The following FAM227B variants were observed in gnomAD, a reference collection of about 807,000 sequenced individuals.
The protein encoded by FAM227B is protein FAM227B.
A neutral mutation model predicts 73.8 loss-of-function variants in FAM227B; 88 were observed. That is an observed-to-expected ratio of 1.19 (90% confidence interval 1.00 to 1.42). FAM227B has a LOEUF of 1.42. Ranked by LOEUF, FAM227B falls within the 40% of genes most tolerant of loss-of-function variation. The pLI is 0.00. For missense variants in FAM227B, 632 were observed against 590.9 expected (o/e 1.07, Z -0.72); for synonymous variants, 210 against 190.5 (o/e 1.10, Z -0.84).
chr15:49,454,563 T>C (rs1243731664), intron 11 of FAM227B, among the ~76,000 whole-genome samples: 1 of 152,190 alleles, frequency 6.6e-6, no homozygotes, highest in African/African-American at 2.4e-5. Context: ...AGAAGAGGTC[T>C]CCAAGATCTA....
At chr15:49,577,586 A>G in intron 6 of FAM227B, 43 bp downstream of exon 6, 2 of 1,241,462 alleles carry the variant, frequency 1.6e-6, no homozygotes, top group Non-Finnish European at 2.3e-6. Flanking sequence ...GTCCTACATA[A>G]TACACTTGAT....
At chr15:49,489,843 A>ATATATATATATTATATATATATATATTT (rs2056833563) in intron 11 of FAM227B, among the ~76,000 whole-genome samples, 3 of 14,484 alleles carry the variant, frequency 2.1e-4, no homozygotes, top group Non-Finnish European at 2.9e-4. Context: ...TATATATTTT[A>ATATATATATATTATATATATATATATTT]TATATATATA....
At chr15:49,614,752 A>G (rs1215358874) in intron 2 of FAM227B, 2 of 220,846 alleles carry the variant, frequency 9.1e-6, no homozygotes, top group African/African-American at 2.3e-5. Flanking sequence ...ATCACCCATC[A>G]TGATTGCCTA....
At chr15:49,563,385 G>A (rs2074405512) in intron 9 of FAM227B, among the ~76,000 whole-genome samples, 1 of 152,046 alleles carries the variant, frequency 6.6e-6, no homozygotes, top group South Asian at 2.1e-4. Flanking sequence ...CGGAATGGAA[G>A]AATCAACATT....
intron 10 of FAM227B, among the ~76,000 whole-genome samples, chr15:49,514,754 T>C (rs1217329226): frequency 6.6e-6 from 1 of 152,120 alleles, no homozygotes; most frequent in African/African-American, 2.4e-5. Flanking sequence ...AAGTTCTTAA[T>C]TTTGATTAAA....
intron 8 of FAM227B, among the ~76,000 whole-genome samples, chr15:49,571,647 A>G (rs919277444): frequency 6.6e-6 from 1 of 151,820 alleles, no homozygotes; most frequent in Non-Finnish European, 1.5e-5. Context: ...TTGAAAACCA[A>G]TTAGTTGTAA....
chr15:49,395,822 T>A (rs2047544856), intron 11 of FAM227B, among the ~76,000 whole-genome samples: 1 of 152,096 alleles, frequency 6.6e-6, no homozygotes, highest in Admixed American at 6.5e-5. Flanking sequence ...GGTATCGAAG[T>A]TTAAAGAGTT....
At chr15:49,588,448 G>A (rs1272263297) in intron 4 of FAM227B, among the ~76,000 whole-genome samples, 9 of 148,962 alleles carry the variant, frequency 6.0e-5, no homozygotes, top group Non-Finnish European at 3.0e-5. Flanking sequence ...ATAAAGTGCA[G>A]TACTGTGGAG....
chr15:49,405,224 G>A (rs2048435804), intron 11 of FAM227B, among the ~76,000 whole-genome samples: 1 of 152,098 alleles, frequency 6.6e-6, no homozygotes, highest in Non-Finnish European at 1.5e-5. Context: ...TGATGATTAT[G>A]TGTCTTGGGA....
At chr15:49,378,059 T>C (rs1209141539) in intron 11 of FAM227B, among the ~76,000 whole-genome samples, 2 of 152,176 alleles carry the variant, frequency 1.3e-5, no homozygotes, top group African/African-American at 4.8e-5. Flanking sequence ...AGCGGTGTAG[T>C]TTCAGTCTTC....
At chr15:49,488,728 G>GT (rs1398713122) in intron 11 of FAM227B, 3 of 151,974 alleles carry the variant, frequency 2.0e-5, no homozygotes. Flanking sequence ...CCATGTGTTA[G>GT]TTATCTATTG....
intron 3 of FAM227B, among the ~76,000 whole-genome samples, chr15:49,594,451 T>C (rs149587419): frequency 1.3e-5 from 2 of 152,324 alleles, no homozygotes; most frequent in Non-Finnish European, 2.9e-5. Context: ...CTATTTATCT[T>C]GGTTTTTGTT....
intron 11 of FAM227B, among the ~76,000 whole-genome samples, chr15:49,507,246 T>G (rs1377067041): frequency 1.3e-5 from 2 of 152,090 alleles, no homozygotes; most frequent in African/African-American, 4.8e-5. Context: ...ATGCTCTAAA[T>G]TCAAAATTCT....
chr15:49,474,094 A>G (rs977336463), intron 11 of FAM227B, among the ~76,000 whole-genome samples: 1 of 152,190 alleles, frequency 6.6e-6, no homozygotes, highest in African/African-American at 2.4e-5. Flanking sequence ...TAATGACAGG[A>G]TTTAAAATAT....
At chr15:49,437,436 C>T (rs1364116004) in intron 11 of FAM227B, among the ~76,000 whole-genome samples, 2 of 151,490 alleles carry the variant, frequency 1.3e-5, no homozygotes, top group Non-Finnish European at 3.0e-5. Flanking sequence ...GGACTGCGCT[C>T]CACAAAAAGT....
chr15:49,463,645 G>A (rs4480740), intron 11 of FAM227B, among the ~76,000 whole-genome samples: 38,609 of 151,586 alleles, frequency 0.25, 5,768 homozygotes, highest in Non-Finnish European at 0.35. Context: ...CTGGAAGTTC[G>A]CTGTGTATAA....
intron 3 of FAM227B, among the ~76,000 whole-genome samples, chr15:49,604,129 C>G (rs2077365889): frequency 6.6e-6 from 1 of 152,142 alleles, no homozygotes; most frequent in African/African-American, 2.4e-5. Context: ...TACCAATACA[C>G]TATTACAGTA....
intron 15 of FAM227B, 106 bp downstream of exon 15, chr15:49,331,674 A>G (rs2038783318): frequency 1.1e-5 from 8 of 705,720 alleles, no homozygotes; most frequent in Non-Finnish European, 2.1e-5. Flanking sequence ...CTCTCCTGCC[A>G]CTGTAATTTG....
At chr15:49,577,538 T>G in intron 6 of FAM227B, 91 bp downstream of exon 6, 1 of 748,104 alleles carries the variant, frequency 1.3e-6, no homozygotes, top group Non-Finnish European at 2.1e-6. Context: ...TCTCTCTATA[T>G]TTAGAGCCTT....
Sources: gnomAD v4.1 joint callset for allele counts (sites outside exome capture counted in the v4.1 genomes callset) on GRCh38, gnomAD v4.1.1 for gene constraint, MANE v1.5 for transcripts, NCBI Gene and HGNC (gene_info 2026-07-23, HGNC 2026-07-21) for gene names.